Variants in EMSY observed in about 807,000 individuals in gnomAD.
The protein encoded by EMSY is EMSY transcriptional repressor, BRCA2 interacting.
In EMSY, 26 loss-of-function variants were observed where a neutral mutation model predicts 134.6. The ratio of observed to expected loss-of-function variants is 0.19; its 90% CI spans 0.14 to 0.27. EMSY has a LOEUF of 0.27. EMSY is among the 10% of genes least tolerant of loss of function. The pLI, the probability that EMSY is intolerant of heterozygous loss-of-function variation, is 1.00. For synonymous variants in EMSY, 579 were observed against 577.8 expected (o/e 1.00, Z -0.03); for missense variants, 1,305 against 1,611.4 (o/e 0.81, Z 3.26).
At chr11:76,549,526 T>C (rs1268057377) in intron 20 of EMSY, among the ~76,000 whole-genome samples, 1 of 152,218 alleles carries the variant, frequency 6.6e-6, no homozygotes, top group Admixed American at 6.5e-5. Context: ...TGCTTAATAA[T>C]AAATGAAAGC....
intron 1 of EMSY, among the ~76,000 whole-genome samples, chr11:76,445,526 C>CT (rs1233408009): frequency 1.4e-4 from 22 of 152,114 alleles, no homozygotes; most frequent in African/African-American, 5.3e-4. Flanking sequence ...GGAGCCTGGG[C>CT]TGGCTGCTCT....
At chr11:76,550,023 G>A in exon 21 of EMSY, 2 of 1,613,916 alleles carry the variant, frequency 1.2e-6, no homozygotes, top group Non-Finnish European at 1.7e-6. Context: ...GGCTTCTTGA[G>A]CTAAACAACT....
At chr11:76,529,024 TA>T (rs1950942865) in intron 14 of EMSY, among the ~76,000 whole-genome samples, 1 of 152,166 alleles carries the variant, frequency 6.6e-6, no homozygotes, top group Non-Finnish European at 1.5e-5. Flanking sequence ...TTGTCCTAAT[TA>T]TATGGAAGGA....
downstream of EMSY, chr11:76,552,063 A>T (rs948884256): frequency 3.9e-5 from 6 of 152,354 alleles, no homozygotes; most frequent in Admixed American, 2.0e-4. Flanking sequence ...AAGTGCTATC[A>T]TCTACATTTT....
At chr11:76,467,992 C>CAA (rs71986141) in intron 7 of EMSY, among the ~76,000 whole-genome samples, 6 of 141,416 alleles carry the variant, frequency 4.2e-5, no homozygotes, top group Non-Finnish European at 4.6e-5. Flanking sequence ...AAAAAAAAAA[C>CAA]AAAAAAAAAA....
At chr11:76,544,771 C>T (rs35962163) in exon 19 of EMSY, 4 of 1,614,172 alleles carry the variant, frequency 2.5e-6, no homozygotes, top group Non-Finnish European at 3.4e-6. Context: ...CCCAAACCCC[C>T]CAGAGCCAAA....
chr11:76,466,927 A>T (rs1270437439), intron 7 of EMSY, among the ~76,000 whole-genome samples: 1 of 152,252 alleles, frequency 6.6e-6, no homozygotes, highest in Non-Finnish European at 1.5e-5. Flanking sequence ...AAAGAGCAAC[A>T]TAAGGTATGT....
chr11:76,535,803 A>G (rs1951201619), intron 14 of EMSY, 92 bp from the exon 16 acceptor site: 1 of 1,033,364 alleles, frequency 9.7e-7, no homozygotes. Flanking sequence ...AAATAGAAAG[A>G]TAAGCAAACA....
chr11:76,450,750 C>G (rs956818936), intron 2 of EMSY, among the ~76,000 whole-genome samples: 1 of 150,990 alleles, frequency 6.6e-6, no homozygotes, highest in Admixed American at 6.6e-5. Context: ...CCTCGGCCTC[C>G]CAAAGAGCTG....
At chr11:76,446,085 A>C (rs1353598375) in intron 1 of EMSY, among the ~76,000 whole-genome samples, 1 of 152,044 alleles carries the variant, frequency 6.6e-6, no homozygotes, top group Non-Finnish European at 1.5e-5. Flanking sequence ...CGTTTTGCTC[A>C]GTCGCGTCAA....
intron 14 of EMSY, among the ~76,000 whole-genome samples, chr11:76,532,320 T>A (rs566056660): frequency 6.6e-6 from 1 of 151,522 alleles, no homozygotes; most frequent in Non-Finnish European, 1.5e-5. Flanking sequence ...TGCAGCCTTA[T>A]AAACTCATTT....
chr11:76,446,925 A>G, exon 2 of EMSY: 1 of 1,611,224 alleles, frequency 6.2e-7, no homozygotes, highest in East Asian at 2.2e-5. Flanking sequence ...TGGGGCTACC[A>G]AACAGAAGCA....
intron 14 of EMSY, among the ~76,000 whole-genome samples, chr11:76,532,548 T>G (rs1030806810): frequency 1.3e-5 from 2 of 152,142 alleles, no homozygotes; most frequent in African/African-American, 2.4e-5. Flanking sequence ...AATGGGCTTT[T>G]TCCCCTTTCT....
At chr11:76,492,932 C>T (rs1392853598) in intron 8 of EMSY, among the ~76,000 whole-genome samples, 2 of 152,166 alleles carry the variant, frequency 1.3e-5, no homozygotes, top group Middle Eastern at 3.2e-3. Flanking sequence ...CCCTGCTGAG[C>T]CCATGAAAAC....
intron 14 of EMSY, among the ~76,000 whole-genome samples, chr11:76,532,010 T>C (rs1951058839): frequency 6.6e-6 from 1 of 152,180 alleles, no homozygotes; most frequent in Non-Finnish European, 1.5e-5. Context: ...ATTTTGAGAC[T>C]TTCCTTGATC....
rs12281857 is a variant in EMSY at position 76,446,349 on chromosome 11, G to A, written c.-39-551G>A. Among the ~76,000 whole-genome samples the A allele has an allele frequency of 1.2e-3, 151 of 130,380 alleles. 2 individuals carry two copies. Among genetic ancestry groups the A allele is most frequent in the African/African-American group, 4.1e-3 (134 of 32,346 alleles). The allele number at this position is 130,380 out of a possible 152,430, so 85.5% of individuals were successfully genotyped here. A position where few individuals can be genotyped will look rare whatever the true frequency, so the allele number is the denominator to read the frequency against. On this transcript the variant is annotated intron_variant, in intron 1 of 20. Coordinates refer to ENST00000334736, the Ensembl canonical transcript of EMSY. ...TATATATATATGTATATATATATGT[G>A]TATATATATATATGTATGTATCGTT...
At chr11:76,535,990 G>A (rs377069905) in exon 15 of EMSY, 103 of 1,604,316 alleles carry the variant, frequency 6.4e-5, no homozygotes, top group Non-Finnish European at 8.5e-5. Context: ...AATTTATCAG[G>A]ATGTATCCAG....
intron 9 of EMSY, among the ~76,000 whole-genome samples, chr11:76,510,617 G>C (rs1437015901): frequency 6.6e-6 from 1 of 152,178 alleles, no homozygotes; most frequent in Middle Eastern, 3.2e-3. Flanking sequence ...CAGTACTTCA[G>C]TATACTCAGT....
intron 9 of EMSY, among the ~76,000 whole-genome samples, chr11:76,511,609 A>G (rs1950279826): frequency 6.6e-6 from 1 of 152,168 alleles, no homozygotes; most frequent in Non-Finnish European, 1.5e-5. Flanking sequence ...CTGAGGCAGG[A>G]GAATCACTTA....
Sources: allele counts gnomAD v4.1 joint callset (sites outside exome capture counted in the v4.1 genomes callset), GRCh38; gene constraint gnomAD v4.1.1; transcripts MANE v1.5; gene names NCBI Gene and HGNC (gene_info 2026-07-23, HGNC 2026-07-21).